FYB1: variants seen among roughly 807,000 people sequenced by gnomAD.
FYB1 encodes the protein FYN-binding protein 1.
In FYB1, 41 loss-of-function variants were observed where a neutral mutation model predicts 94.1. The observed-to-expected ratio is 0.44, with a 90% CI of 0.34 to 0.57. The LOEUF (loss-of-function observed/expected upper bound fraction) is 0.57, where lower values mean the gene tolerates loss of function less well. Among genes scored for constraint, FYB1 ranks in the 20% least tolerant of loss-of-function variants. The probability of loss-of-function intolerance (pLI) is 0.02; values close to 1 mark genes in which losing one functional copy is unlikely to be tolerated. For synonymous variants in FYB1, 367 were observed against 353.2 expected, an observed-to-expected ratio of 1.04 and a Z score of -0.44; for missense variants, 1,050 against 976.8, an observed-to-expected ratio of 1.07 and a Z score of -1.00.
At chr5:39,267,030 A>G (rs575140687) in intron 1 of FYB1, among the ~76,000 whole-genome samples, 13 of 152,318 alleles carry the variant, frequency 8.5e-5, no homozygotes, top group African/African-American at 3.1e-4. Flanking sequence ...TCCAGGCCCA[A>G]TATTCAGTAG....
intron 1 of FYB1, among the ~76,000 whole-genome samples, chr5:39,272,960 T>C (rs1190248156): frequency 2.6e-5 from 4 of 152,140 alleles, no homozygotes; most frequent in African/African-American, 9.7e-5. Flanking sequence ...AAGAAAAGTA[T>C]TTTTGGCTAA....
chr5:39,134,463 T>G, intron 8 of FYB1, 114 bp from the exon 9 acceptor site: 1 of 982,468 alleles, frequency 1.0e-6, no homozygotes, highest in Non-Finnish European at 1.5e-6. Flanking sequence ...ATTTATTTTC[T>G]TGTAGTTCTG....
At chr5:39,146,530 TAAC>T (rs1482804588) in intron 3 of FYB1, among the ~76,000 whole-genome samples, 1 of 152,170 alleles carries the variant, frequency 6.6e-6, no homozygotes, top group Non-Finnish European at 1.5e-5. Context: ...AATATTCCAG[TAAC>T]AACAAGAGAC....
At chr5:39,198,158 A>C (rs1257521710) in intron 2 of FYB1, among the ~76,000 whole-genome samples, 5 of 152,198 alleles carry the variant, frequency 3.3e-5, no homozygotes, top group African/African-American at 4.8e-5. Context: ...TAGTGATTAT[A>C]ATGTGCTGGC....
chr5:39,220,496 AAAAAGAAAAG>A (rs1177983116), upstream of FYB1, among the ~76,000 whole-genome samples: 59 of 152,064 alleles, frequency 3.9e-4, 1 homozygote, highest in African/African-American at 1.3e-3. Context: ...GAAAAGAGAA[AAAAAGAAAAG>A]AAAAGACAAG....
chr5:39,176,044 C>A (rs572896286), intron 2 of FYB1, among the ~76,000 whole-genome samples: 61 of 151,922 alleles, frequency 4.0e-4, no homozygotes, highest in African/African-American at 1.2e-3. Context: ...TCAAATACAG[C>A]CTCCCTTCTA....
Position 39,120,224 on chromosome 5 carries a change from T to TTGTG in FYB1, c.2139-594_2139-591dup, listed in dbSNP as rs10532379. Reference sequence around the variant, plus strand: ...ATCTTTATCTTCATCCCTTTATCAATTGTGTGTGTGTGTGTGTGTGTGTGT... The same window carrying TTGTG: ...ATCTTTATCTTCATCCCTTTATCAATTGTGTGTGTGTGTGTGTGTGTGTGTGTGT... On this transcript the variant is annotated intron_variant, in intron 14 of 18. Coordinates refer to ENST00000512982, the MANE Select transcript of FYB1 (RefSeq NM_001465.6). Among the ~76,000 whole-genome samples, 909 of 147,716 alleles carry TTGTG rather than the reference T, an allele frequency of 6.2e-3. 6 individuals are homozygous for TTGTG. The highest frequency in any genetic ancestry group is 0.019 in the African/African-American group (785 of 40,484).
Position 39,134,856 on chromosome 5 carries a change from T to C in FYB1, c.1674A>G (p.Ser558=). Residue 558 remains serine, a splice_region_variant and synonymous_variant, in exon 8 of 19, where the codon TCA becomes TCG. Coordinates refer to ENST00000512982, the MANE Select transcript of FYB1 (RefSeq NM_001465.6). ...AGCCATAGAGAAATTTGCACTCACA[T>C]GAACCCCTTGCTGTTCTGCCCAACC... ...GKWLGRTARG[S]YGYIKTTAVE... 1 of 1,613,876 alleles carries C rather than the reference T, an allele frequency of 6.2e-7. No homozygotes were observed. Among genetic ancestry groups the C allele is most frequent in the East Asian group, 2.2e-5 (1 of 44,864 alleles).
chr5:39,136,473 A>G (rs955337475), intron 7 of FYB1, among the ~76,000 whole-genome samples: 1 of 152,248 alleles, frequency 6.6e-6, no homozygotes, highest in Non-Finnish European at 1.5e-5. Flanking sequence ...TAATATTAAT[A>G]CGGTAATCAT....
intron 16 of FYB1, among the ~76,000 whole-genome samples, chr5:39,111,457 A>T (rs2150257488): frequency 6.6e-6 from 1 of 152,084 alleles, no homozygotes; most frequent in East Asian, 1.9e-4. Flanking sequence ...AAATGTATTG[A>T]TGTCATATTG....
intron 3 of FYB1, among the ~76,000 whole-genome samples, chr5:39,144,562 G>A (rs777746937): frequency 2.0e-5 from 3 of 152,222 alleles, no homozygotes; most frequent in Non-Finnish European, 2.9e-5. Flanking sequence ...AGCACTTTGG[G>A]AGTCTGAGGT....
intron 9 of FYB1, 85 bp downstream of exon 9, chr5:39,134,123 G>A: frequency 9.9e-6 from 10 of 1,010,004 alleles, no homozygotes; most frequent in African/African-American, 1.6e-5. Context: ...AGGAGTTATG[G>A]AGGGTAAAAT....
At chr5:39,247,094 A>G (rs897283804) in intron 1 of FYB1, among the ~76,000 whole-genome samples, 6 of 140,372 alleles carry the variant, frequency 4.3e-5, no homozygotes, top group African/African-American at 1.3e-4. Flanking sequence ...ATATATATAT[A>G]TATATATATA....
intron 1 of FYB1, among the ~76,000 whole-genome samples, chr5:39,242,845 G>T (rs1340202530): frequency 6.6e-6 from 1 of 152,172 alleles, no homozygotes; most frequent in Non-Finnish European, 1.5e-5. Flanking sequence ...ACTGGAGTGA[G>T]ATGGTATCTC....
At chr5:39,143,469 C>G (rs914284293) in intron 3 of FYB1, among the ~76,000 whole-genome samples, 1 of 146,186 alleles carries the variant, frequency 6.8e-6, no homozygotes, top group African/African-American at 2.7e-5. Context: ...TGGACTGTTG[C>G]AGTAGTCATC....
At chr5:39,156,313 A>T (rs898227237) in intron 2 of FYB1, among the ~76,000 whole-genome samples, 1 of 152,148 alleles carries the variant, frequency 6.6e-6, no homozygotes, top group African/African-American at 2.4e-5. Context: ...TAACTTGAGA[A>T]ACCCAGGAAG....
At chr5:39,118,194 G>T (rs962145715) in intron 16 of FYB1, among the ~76,000 whole-genome samples, 5 of 152,060 alleles carry the variant, frequency 3.3e-5, no homozygotes, top group Non-Finnish European at 7.4e-5. Flanking sequence ...ATGAGCCACC[G>T]CACCTGGCCC....
intron 13 of FYB1, among the ~76,000 whole-genome samples, 181 bp downstream of exon 13, chr5:39,124,072 C>T (rs1324494238): frequency 1.3e-5 from 2 of 152,054 alleles, no homozygotes; most frequent in Admixed American, 6.6e-5. Flanking sequence ...TAATTTTTCT[C>T]ATCTTGCTAT....
At chr5:39,137,889 C>T in intron 6 of FYB1, 169 bp from the exon 7 acceptor site, 1 of 792,278 alleles carries the variant, frequency 1.3e-6, no homozygotes, top group Non-Finnish European at 1.9e-6. Context: ...ATTTTTAAAA[C>T]CAGTAGGAGG....
Sources: allele counts gnomAD v4.1 joint callset (sites outside exome capture counted in the v4.1 genomes callset), GRCh38; gene constraint gnomAD v4.1.1; transcripts MANE v1.5; gene names NCBI Gene and HGNC (gene_info 2026-07-23, HGNC 2026-07-21).